Variants in EHBP1 observed in about 807,000 individuals in gnomAD.
The protein encoded by EHBP1 is EH domain-binding protein 1.
A neutral mutation model predicts 144.0 loss-of-function variants in EHBP1; 55 were observed. That is an observed-to-expected ratio of 0.38 (90% CI 0.31 to 0.48). The LOEUF (loss-of-function observed/expected upper bound fraction) is 0.48. EHBP1 is among the 20% of genes least tolerant of loss of function. The probability of loss-of-function intolerance (pLI) is 0.98; values close to 1 mark genes in which losing one functional copy is unlikely to be tolerated. For synonymous variants in EHBP1, 469 were observed against 472.7 expected (o/e 0.99, Z 0.10); for missense variants, 1,200 against 1,364.2 (o/e 0.88, Z 1.90).
chr2:62,970,140 G>A (rs1241813755), intron 14 of EHBP1, among the ~76,000 whole-genome samples: 6 of 137,676 alleles, frequency 4.4e-5, no homozygotes, highest in African/African-American at 1.6e-4. Context: ...ACAGAGTCTT[G>A]CTCCCTGTCT....
In EHBP1 at chr2:63,045,143, G is replaced by C. The variant is rs781552250; in HGVS notation, c.3355G>C (p.Asp1119His). The change falls in exon 22 of 23, where the codon GAT becomes CAT. Residue 1119 changes from aspartate to histidine, a missense_variant. By Grantham distance (81) the Asp-to-His change is moderately conservative (BLOSUM62 -1). Around this residue, in one of 6 missense-constraint regions of EHBP1, gnomAD observed 149 missense variants for 217.0 expected, o/e 0.69. Transcript: ENST00000431489. The surrounding 1 kb of genome is among the most constrained non-coding windows in gnomAD (Gnocchi z 5.7). Reference protein sequence around the residue: ...DELVALVNKRDALVRDLDAQE... With the variant: ...DELVALVNKRHALVRDLDAQE... ...GCTGGTGGCCCTGGTGAACAAGCGC[G>C]ATGCGCTCGTCAGGGACCTGGACGC... The C allele has an allele frequency of 6.3e-7, 1 of 1,596,504 alleles. No homozygotes were observed. Among genetic ancestry groups the C allele is most frequent in the South Asian group, 1.1e-5 (1 of 88,180 alleles).
At chr2:62,894,454 T>C (rs373450886) in intron 10 of EHBP1, among the ~76,000 whole-genome samples, 1 of 151,736 alleles carries the variant, frequency 6.6e-6, no homozygotes, top group Non-Finnish European at 1.5e-5. Context: ...GAGATGACAA[T>C]TGATCTGAGT....
chr2:62,916,429 T>G (rs1270467567), intron 10 of EHBP1, among the ~76,000 whole-genome samples: 1 of 151,572 alleles, frequency 6.6e-6, no homozygotes, highest in African/African-American at 2.4e-5. Flanking sequence ...CCAGCTCTAC[T>G]AAAAAATGCA....
At chr2:62,800,913 G>T (rs1358550756) in intron 5 of EHBP1, among the ~76,000 whole-genome samples, 2 of 152,170 alleles carry the variant, frequency 1.3e-5, no homozygotes, top group South Asian at 2.1e-4. Flanking sequence ...GTCACTTTCA[G>T]TTATCCTTTT....
chr2:62,977,948 T>C (rs2058789323), intron 14 of EHBP1, among the ~76,000 whole-genome samples: 1 of 151,960 alleles, frequency 6.6e-6, no homozygotes, highest in South Asian at 2.1e-4. Flanking sequence ...TGAGAGAAGC[T>C]CATTCCAAGA....
intron 2 of EHBP1, 105 bp downstream of exon 2, chr2:62,707,400 G>C: frequency 2.5e-6 from 2 of 793,460 alleles, no homozygotes; most frequent in East Asian, 2.7e-5. Context: ...TAGTGCACTA[G>C]TGTGTAGAAG....
At chr2:62,749,783 T>C (rs2039505088) in intron 3 of EHBP1, among the ~76,000 whole-genome samples, 1 of 152,204 alleles carries the variant, frequency 6.6e-6, no homozygotes, top group African/African-American at 2.4e-5. Context: ...AATGTCTTCT[T>C]TTGAGAAGTG....
At chr2:62,823,942 A>G (rs914911150) in intron 5 of EHBP1, among the ~76,000 whole-genome samples, 1 of 152,034 alleles carries the variant, frequency 6.6e-6, no homozygotes, top group Non-Finnish European at 1.5e-5. Flanking sequence ...GGCTCTTTGC[A>G]TTGTTCCTAA....
intron 10 of EHBP1, chr2:62,881,610 G>A (rs752125001): frequency 6.6e-6 from 1 of 152,024 alleles, no homozygotes; most frequent in Non-Finnish European, 1.5e-5. Context: ...TCTCAGTCCA[G>A]TTAAATGTTT....
chr2:62,848,057 C>T (rs1291571931), intron 7 of EHBP1, among the ~76,000 whole-genome samples: 3 of 151,176 alleles, frequency 2.0e-5, no homozygotes, highest in African/African-American at 7.3e-5. Context: ...TATAATGGTA[C>T]CATCACATAA....
chr2:62,927,621 A>G (rs556516173), intron 10 of EHBP1, among the ~76,000 whole-genome samples: 1 of 152,332 alleles, frequency 6.6e-6, no homozygotes, highest in South Asian at 2.1e-4. Flanking sequence ...TCTGAAGCAA[A>G]AATGGCCAGA....
At chr2:62,914,877 C>T (rs1346765956) in intron 10 of EHBP1, among the ~76,000 whole-genome samples, 1 of 151,920 alleles carries the variant, frequency 6.6e-6, no homozygotes, top group Non-Finnish European at 1.5e-5. Flanking sequence ...CTAACTTAGC[C>T]AAAATTGCAT....
chr2:62,814,217 A>G (rs1459171018), intron 5 of EHBP1, among the ~76,000 whole-genome samples: 4 of 152,196 alleles, frequency 2.6e-5, no homozygotes, highest in East Asian at 1.9e-4. Flanking sequence ...CATTAATTTC[A>G]TCATCTTGAG....
chr2:63,028,913 T>A (rs2061105377), intron 19 of EHBP1, among the ~76,000 whole-genome samples: 1 of 152,226 alleles, frequency 6.6e-6, no homozygotes, highest in African/African-American at 2.4e-5. Flanking sequence ...AGCTTTTTGC[T>A]TTATAAGTAT....
chr2:62,680,672 A>C (rs2033481436), intron 1 of EHBP1, among the ~76,000 whole-genome samples: 1 of 152,116 alleles, frequency 6.6e-6, no homozygotes, highest in Admixed American at 6.5e-5. Context: ...TTCTTCTAGG[A>C]GTGAAGAGAA....
chr2:62,799,461 C>T (rs1350812698), intron 5 of EHBP1, among the ~76,000 whole-genome samples: 1 of 152,076 alleles, frequency 6.6e-6, no homozygotes, highest in Non-Finnish European at 1.5e-5. Context: ...ATTTTTATCA[C>T]CCTGGAGCTG....
chr2:62,875,865 C>G (rs1030314559), intron 10 of EHBP1, among the ~76,000 whole-genome samples: 3 of 152,104 alleles, frequency 2.0e-5, no homozygotes, highest in African/African-American at 7.2e-5. Context: ...GCAGAATAGA[C>G]CAAGCTGAGG....
intron 19 of EHBP1, among the ~76,000 whole-genome samples, chr2:63,036,139 C>T (rs2061433112): frequency 6.6e-6 from 1 of 151,948 alleles, no homozygotes; most frequent in African/African-American, 2.4e-5. Flanking sequence ...TTTTTATATT[C>T]TATTTGTATT....
At chr2:62,894,826 G>A (rs1210437116) in intron 10 of EHBP1, among the ~76,000 whole-genome samples, 1 of 151,926 alleles carries the variant, frequency 6.6e-6, no homozygotes, top group African/African-American at 2.4e-5. Context: ...GTTAAGGTGG[G>A]AGGATTGCTT....
Sources: gnomAD v4.1 joint callset for allele counts (sites outside exome capture counted in the v4.1 genomes callset) on GRCh38, gnomAD v4.1.1 for gene constraint, gnomAD v4.1.1 regional missense constraint, Gnocchi (gnomAD v3.1) non-coding constraint, MANE v1.5 for transcripts, NCBI Gene and HGNC (gene_info 2026-07-23, HGNC 2026-07-21) for gene names.